Variants in SLC45A4 observed in about 807,000 individuals in gnomAD.
SLC45A4 encodes polyamine-transporter SLC45A4.
Under a neutral mutation model 63.7 loss-of-function variants are expected in SLC45A4, and 32 were observed. That is an observed-to-expected ratio of 0.50 (90% CI 0.38 to 0.67). The LOEUF is 0.67. Among genes scored for constraint, SLC45A4 ranks in the 30% least tolerant of loss-of-function variants. The pLI, the probability that SLC45A4 is intolerant of heterozygous loss-of-function variation, is 0.00. For missense variants in SLC45A4, 1,027 were observed against 1,157.7 expected (o/e 0.89, Z 1.64); for synonymous variants, 535 against 510.0 (o/e 1.05, Z -0.66).
chr8:141,211,284 C>T lies in SLC45A4; in HGVS notation c.*288G>A. ...GAGCGGTCTGGAGGGGCAACCTGGC[C>T]TCCTAGGAGAGTCCTTCAGACGGGA... On this transcript the variant is annotated 3_prime_UTR_variant, in exon 9 of 9. Coordinates refer to ENST00000517878, the MANE Select transcript of SLC45A4 (RefSeq NM_001286646.2). 1 of 779,312 alleles carries T rather than the reference C, an allele frequency of 1.3e-6. No individual in the cohort carries two copies. The highest frequency in any genetic ancestry group is 1.9e-6 in the Non-Finnish European group (1 of 537,306). The allele number at this position is 779,312 out of a possible 1,614,324, so 48.3% of individuals were successfully genotyped here.
chr8:141,264,468 G>C (rs1271018470), intron 1 of SLC45A4, among the ~76,000 whole-genome samples: 4 of 152,180 alleles, frequency 2.6e-5, no homozygotes, highest in African/African-American at 9.7e-5. Flanking sequence ...GGAGGGTCCT[G>C]ATGTTGCTGC....
chr8:141,230,325 C>T (rs1827276735), intron 2 of SLC45A4: 1 of 351,988 alleles, frequency 2.8e-6, no homozygotes, highest in Admixed American at 3.8e-5. Context: ...GAAGTCCCCG[C>T]CCTTCCATCA....
At chr8:141,232,811 C>T (rs909669516) in intron 2 of SLC45A4, among the ~76,000 whole-genome samples, 9 of 151,658 alleles carry the variant, frequency 5.9e-5, no homozygotes, top group South Asian at 4.2e-4. Flanking sequence ...TGAGCGCTCG[C>T]GAGCTGCAAC....
At position 141,238,407 on chromosome 8, in the gene SLC45A4, C is replaced by G. The variant is rs7014941; in HGVS notation, c.241+15582G>C. Among the ~76,000 whole-genome samples the G allele has an allele frequency of 3.1e-3, 473 of 152,298 alleles. 2 individuals are homozygous for G. The highest frequency in any genetic ancestry group is 0.011 in the African/African-American group (445 of 41,522). On this transcript the variant is annotated intron_variant, in intron 2 of 8. Transcript: ENST00000517878. The stretch of plus-strand genomic sequence containing the variant: ...CACTTAGACTGCCGTGCAACCATCA[C>G]CACTCACCCCAGAGCGACGCCATCT...
intron 3 of SLC45A4, among the ~76,000 whole-genome samples, chr8:141,220,718 C>T (rs539680877): frequency 1.3e-3 from 191 of 152,352 alleles, no homozygotes; most frequent in Middle Eastern, 3.4e-3. Flanking sequence ...GGGCAGGCGA[C>T]GGCTCCGAGG....
intron 2 of SLC45A4, chr8:141,224,288 C>T (rs1589777463): frequency 6.6e-6 from 1 of 152,328 alleles, no homozygotes; most frequent in East Asian, 1.9e-4. Flanking sequence ...TTTACTGCTG[C>T]TTTTCAGCAG....
At chr8:141,219,946 A>G in intron 3 of SLC45A4, 117 bp from the exon 4 acceptor site, 1 of 984,848 alleles carries the variant, frequency 1.0e-6, no homozygotes, top group East Asian at 2.8e-5. Flanking sequence ...AAACCATGCC[A>G]GCCTTCCAGC....
chr8:141,267,302 G>T (rs1013284084), intron 1 of SLC45A4, among the ~76,000 whole-genome samples: 13 of 152,392 alleles, frequency 8.5e-5, no homozygotes, highest in Admixed American at 7.2e-4. Context: ...TGGGGCCTGC[G>T]TGGCTACACA....
intron 2 of SLC45A4, among the ~76,000 whole-genome samples, chr8:141,244,952 G>GT (rs1828096414): frequency 2.0e-5 from 2 of 101,842 alleles, no homozygotes; most frequent in African/African-American, 6.6e-5. Flanking sequence ...GCAAGAAGAC[G>GT]TGGGTGGGGG....
intron 2 of SLC45A4, among the ~76,000 whole-genome samples, chr8:141,247,277 G>A (rs140784606): frequency 1.9e-3 from 289 of 152,258 alleles, no homozygotes; most frequent in African/African-American, 6.3e-3. Context: ...TCTATAGAAC[G>A]ATGAACAACC....
chr8:141,244,953 T>TG (rs1332452740), intron 2 of SLC45A4, among the ~76,000 whole-genome samples: 8 of 27,744 alleles, frequency 2.9e-4, no homozygotes, highest in African/African-American at 6.4e-4. Flanking sequence ...CAAGAAGACG[T>TG]GGGTGGGGGG....
intron 1 of SLC45A4, among the ~76,000 whole-genome samples, chr8:141,272,624 C>A (rs959696134): frequency 6.6e-6 from 1 of 152,204 alleles, no homozygotes; most frequent in East Asian, 1.9e-4. Context: ...AGCCCAACCA[C>A]GGGGCCCTTG....
chr8:141,251,715 A>G (rs999446950), intron 2 of SLC45A4, among the ~76,000 whole-genome samples: 8 of 152,036 alleles, frequency 5.3e-5, no homozygotes, highest in African/African-American at 1.9e-4. Context: ...GAAAAAAGAC[A>G]CAGGATTGCA....
At chr8:141,250,664 G>A (rs1828420526) in intron 2 of SLC45A4, among the ~76,000 whole-genome samples, 1 of 152,218 alleles carries the variant, frequency 6.6e-6, no homozygotes, top group Non-Finnish European at 1.5e-5. Flanking sequence ...ATAGGCATGA[G>A]CCAGAGTGCC....
intron 2 of SLC45A4, among the ~76,000 whole-genome samples, chr8:141,243,910 T>C (rs1828037497): frequency 6.6e-6 from 1 of 152,208 alleles, no homozygotes; most frequent in Non-Finnish European, 1.5e-5. Context: ...ATACATATAA[T>C]ATAGAAGGTA....
At chr8:141,303,209 C>T (rs1430356221) in intron 1 of SLC45A4, among the ~76,000 whole-genome samples, 1 of 151,776 alleles carries the variant, frequency 6.6e-6, no homozygotes, top group African/African-American at 2.4e-5. Flanking sequence ...GTTGTCCATG[C>T]TGGTCTCAAA....
chr8:141,263,719 G>A (rs1381856205), intron 1 of SLC45A4, among the ~76,000 whole-genome samples: 85 of 141,088 alleles, frequency 6.0e-4, no homozygotes, highest in African/African-American at 2.3e-3. Flanking sequence ...GCAGTGAGCC[G>A]AAACTGCGCC....
At chr8:141,228,423 G>A (rs1827158970) in intron 2 of SLC45A4, 3 of 1,422,804 alleles carry the variant, frequency 2.1e-6, no homozygotes, top group Middle Eastern at 2.6e-4. Context: ...AAAGCCAGCG[G>A]GAACATTCCG....
chr8:141,228,053 G>A (rs747651826), intron 2 of SLC45A4: 5 of 1,165,932 alleles, frequency 4.3e-6, no homozygotes, highest in Non-Finnish European at 6.2e-6. Context: ...AGAGGGTGAG[G>A]CAGAGCCCTG....
Sources: gnomAD v4.1 joint callset for allele counts (sites outside exome capture counted in the v4.1 genomes callset) on GRCh38, gnomAD v4.1.1 for gene constraint, MANE v1.5 for transcripts, NCBI Gene and HGNC (gene_info 2026-07-23, HGNC 2026-07-21) for gene names.